The following ZNF385D variants were observed in gnomAD, a reference collection of about 807,000 sequenced individuals.
The protein encoded by ZNF385D is zinc finger protein 385D.
ZNF385D carries 15 observed loss-of-function variants against 35.8 expected under a neutral mutation model. The observed-to-expected ratio is 0.42, with a 90% CI of 0.28 to 0.64. ZNF385D has a LOEUF of 0.64. Ranked by LOEUF, ZNF385D falls within the 30% of genes least tolerant of loss-of-function variation. ZNF385D has a pLI of 0.23. For missense variants in ZNF385D, 474 were observed against 494.6 expected (o/e 0.96, Z 0.39); for synonymous variants, 212 against 186.8 (o/e 1.13, Z -1.10).
intron 2 of ZNF385D, among the ~76,000 whole-genome samples, chr3:22,214,013 T>C (rs1027624491): frequency 1.3e-5 from 2 of 152,080 alleles, no homozygotes; most frequent in Non-Finnish European, 2.9e-5. Context: ...TGGACAGTTC[T>C]GTGGGTCACA....
In ZNF385D at chr3:21,684,012, T is replaced by C. The variant is rs944416855; in HGVS notation, c.23-18984A>G. Among the ~76,000 whole-genome samples, 23 of 149,918 alleles carry C rather than the reference T, an allele frequency of 1.5e-4. 1 individual carries two copies. The highest frequency in any genetic ancestry group is 5.2e-4 in the African/African-American group (21 of 40,680). On this transcript the variant is annotated intron_variant, in intron 1 of 7. Coordinates refer to ENST00000281523, the MANE Select transcript of ZNF385D (RefSeq NM_024697.3). Reference sequence around the variant, plus strand: ...ACCTACAAAACTATAAGCTAATAAATGTGTGATGTTTTAAGGCACCAAGTT... The same window carrying C: ...ACCTACAAAACTATAAGCTAATAAACGTGTGATGTTTTAAGGCACCAAGTT...
intron 2 of ZNF385D, among the ~76,000 whole-genome samples, chr3:21,569,628 T>C (rs2125670145): frequency 6.6e-6 from 1 of 151,722 alleles, no homozygotes; most frequent in East Asian, 1.9e-4. Flanking sequence ...GTTATTTTGC[T>C]CGTTAGTTGA....
chr3:22,188,206 GATTTATTTTAGT>G (rs932136210), intron 2 of ZNF385D, among the ~76,000 whole-genome samples: 1 of 152,124 alleles, frequency 6.6e-6, no homozygotes, highest in African/African-American at 2.4e-5. Context: ...CAAAGCATTA[GATTTATTTTAGT>G]AAGTAAAATG....
chr3:21,878,549 CTT>C (rs1447881282), intron 3 of ZNF385D, among the ~76,000 whole-genome samples: 1 of 151,946 alleles, frequency 6.6e-6, no homozygotes, highest in Non-Finnish European at 1.5e-5. Flanking sequence ...TATTTTTCAA[CTT>C]TTATTTTAAC....
At chr3:21,765,447 T>C (rs1172934779) in intron 3 of ZNF385D, among the ~76,000 whole-genome samples, 2 of 152,146 alleles carry the variant, frequency 1.3e-5, no homozygotes, top group African/African-American at 4.8e-5. Flanking sequence ...GGATGGCTTC[T>C]AAATGGGATT....
intron 3 of ZNF385D, among the ~76,000 whole-genome samples, chr3:21,866,777 C>T (rs551786357): frequency 2.6e-5 from 4 of 152,170 alleles, no homozygotes; most frequent in Middle Eastern, 3.4e-3. Flanking sequence ...AATTTAATGC[C>T]GTGCTTTTAT....
chr3:22,119,296 A>C (rs1320797819), intron 3 of ZNF385D, among the ~76,000 whole-genome samples: 1 of 152,206 alleles, frequency 6.6e-6, no homozygotes, highest in Non-Finnish European at 1.5e-5. Flanking sequence ...GAAATGTTAA[A>C]TAAAAATACA....
intron 3 of ZNF385D, among the ~76,000 whole-genome samples, chr3:21,858,375 G>A (rs1269073361): frequency 6.6e-6 from 1 of 151,600 alleles, no homozygotes; most frequent in Non-Finnish European, 1.5e-5. Context: ...CATGTGCTAT[G>A]GTCTGAATGT....
At chr3:21,978,037 C>A (rs1165000510) in intron 3 of ZNF385D, among the ~76,000 whole-genome samples, 1 of 152,130 alleles carries the variant, frequency 6.6e-6, no homozygotes, top group African/African-American at 2.4e-5. Context: ...AGTGACACTA[C>A]TAAAGAATTC....
At chr3:21,809,435 A>G (rs2072805429) in intron 3 of ZNF385D, among the ~76,000 whole-genome samples, 1 of 152,006 alleles carries the variant, frequency 6.6e-6, no homozygotes, top group Admixed American at 6.6e-5. Flanking sequence ...AGGTAGCATC[A>G]AAGATAACTG....
At chr3:22,236,092 C>T (rs1012756015) in intron 2 of ZNF385D, among the ~76,000 whole-genome samples, 3 of 151,932 alleles carry the variant, frequency 2.0e-5, no homozygotes, top group East Asian at 1.9e-4. Context: ...GAATAATATA[C>T]AATCAGCACA....
chr3:21,905,635 G>A (rs932443243), intron 3 of ZNF385D, among the ~76,000 whole-genome samples: 7 of 151,526 alleles, frequency 4.6e-5, no homozygotes, highest in African/African-American at 1.7e-4. Flanking sequence ...AAGGTAGGTG[G>A]CATTTCTTTT....
rs553218627 is a variant in ZNF385D, at chr3:21,689,733, A to G, written c.23-24705T>C. ...ATCAGAAACACCTGTAGGGCTAATT[A>G]CCACACATTTCTGGGCCTTACCACC... On this transcript the variant is annotated intron_variant, in intron 1 of 7. Transcript: ENST00000281523. Among the ~76,000 whole-genome samples, 13 of 152,256 alleles carry G rather than the reference A, an allele frequency of 8.5e-5. No individual in the cohort carries two copies. In the East Asian group the frequency reaches 2.5e-3, roughly 29 times the overall value.
intron 3 of ZNF385D, among the ~76,000 whole-genome samples, chr3:21,905,013 C>A (rs73129335): frequency 6.6e-6 from 1 of 151,494 alleles, no homozygotes; most frequent in African/African-American, 2.4e-5. Context: ...CTCATTAATA[C>A]TATAACAAAA....
intron 3 of ZNF385D, among the ~76,000 whole-genome samples, chr3:22,129,518 G>A (rs1046119251): frequency 2.0e-5 from 3 of 151,910 alleles, no homozygotes; most frequent in Non-Finnish European, 2.9e-5. Flanking sequence ...CTTTTACTGG[G>A]GTTGAGCTAA....
At chr3:21,631,462 A>C (rs2065278922) in intron 2 of ZNF385D, among the ~76,000 whole-genome samples, 1 of 152,126 alleles carries the variant, frequency 6.6e-6, no homozygotes, top group African/African-American at 2.4e-5. Context: ...ACCAATCAAA[A>C]ATATTTTTTA....
intron 3 of ZNF385D, among the ~76,000 whole-genome samples, chr3:21,985,039 T>G (rs12631303): frequency 0.24 from 35,200 of 147,274 alleles, 4,332 homozygotes; most frequent in East Asian, 0.31. Context: ...TTTGCTGAAG[T>G]TGCTTATCAG....
intron 3 of ZNF385D, among the ~76,000 whole-genome samples, chr3:22,085,176 G>A (rs972931917): frequency 6.7e-6 from 1 of 148,278 alleles, no homozygotes; most frequent in African/African-American, 2.4e-5. Flanking sequence ...AACTAGAGAA[G>A]CAAGAGCGAA....
At chr3:22,015,687 G>A (rs750989351) in intron 3 of ZNF385D, among the ~76,000 whole-genome samples, 26 of 152,162 alleles carry the variant, frequency 1.7e-4, no homozygotes, top group Middle Eastern at 3.4e-3. Context: ...GAAGCCATCT[G>A]GCTCCTGGTC....
Sources: gnomAD v4.1 joint callset for allele counts (sites outside exome capture counted in the v4.1 genomes callset) on GRCh38, gnomAD v4.1.1 for gene constraint, MANE v1.5 for transcripts, NCBI Gene and HGNC (gene_info 2026-07-23, HGNC 2026-07-21) for gene names.